Variants in COL24A1 observed in about 807,000 individuals in gnomAD.
COL24A1 encodes the protein collagen alpha-1(XXIV) chain.
A neutral mutation model predicts 253.9 loss-of-function variants in COL24A1; 224 were observed. The observed-to-expected ratio is 0.88, with a 90% CI of 0.79 to 0.99. The LOEUF is 0.99. Ranked by LOEUF, COL24A1 falls within the 50% of genes least tolerant of loss-of-function variation. The pLI is 0.00. For missense variants in COL24A1, 2,131 were observed against 2,068.5 expected (o/e 1.03, Z -0.59); for synonymous variants, 685 against 673.7 (o/e 1.02, Z -0.26).
At chr1:86,130,055 A>G (rs1648925827) in intron 2 of COL24A1, among the ~76,000 whole-genome samples, 1 of 151,882 alleles carries the variant, frequency 6.6e-6, no homozygotes, top group Non-Finnish European at 1.5e-5. Flanking sequence ...TGCATAGATA[A>G]TCATGCAGTT....
At chr1:85,767,917 C>G (rs1667543616) in intron 53 of COL24A1, among the ~76,000 whole-genome samples, 1 of 152,166 alleles carries the variant, frequency 6.6e-6, no homozygotes, top group African/African-American at 2.4e-5. Context: ...ACACTGATAA[C>G]CTGTGTACCA....
intron 7 of COL24A1, among the ~76,000 whole-genome samples, chr1:86,084,067 C>T (rs927938901): frequency 6.6e-6 from 1 of 152,060 alleles, no homozygotes; most frequent in African/African-American, 2.4e-5. Flanking sequence ...GTCACCAATG[C>T]ATTGAGGAAT....
At chr1:86,110,778 G>A (rs1342572757) in intron 5 of COL24A1, among the ~76,000 whole-genome samples, 2 of 152,142 alleles carry the variant, frequency 1.3e-5, no homozygotes, top group Non-Finnish European at 1.5e-5. Context: ...CCGCCTGCCC[G>A]CAGGGCAGGG....
intron 24 of COL24A1, among the ~76,000 whole-genome samples, chr1:85,921,719 C>A (rs986501828): frequency 1.3e-5 from 2 of 152,114 alleles, no homozygotes; most frequent in African/African-American, 4.8e-5. Context: ...GGGGAGAAAC[C>A]AGAGCAGAAA....
chr1:85,737,829 G>A (rs1212359829), intron 57 of COL24A1, among the ~76,000 whole-genome samples: 2 of 139,650 alleles, frequency 1.4e-5, no homozygotes, highest in Non-Finnish European at 3.2e-5. Context: ...CTCCCAAAGT[G>A]TTGGGATTAC....
chr1:85,905,371 A>C (rs1340941848), intron 28 of COL24A1, among the ~76,000 whole-genome samples: 1 of 152,096 alleles, frequency 6.6e-6, no homozygotes, highest in Non-Finnish European at 1.5e-5. Flanking sequence ...TGGATTGAAG[A>C]GAGAAGAGAG....
At chr1:86,089,012 A>G (rs1703282380) in intron 7 of COL24A1, among the ~76,000 whole-genome samples, 162 bp downstream of exon 7, 2 of 152,150 alleles carry the variant, frequency 1.3e-5, no homozygotes, top group Admixed American at 1.3e-4. Context: ...GGAATTTTAA[A>G]ACATTAGTTT....
intron 18 of COL24A1, among the ~76,000 whole-genome samples, chr1:86,020,661 T>C (rs1475529595): frequency 1.3e-5 from 2 of 152,212 alleles, no homozygotes; most frequent in Non-Finnish European, 2.9e-5. Context: ...CCTTAGAGCA[T>C]GTATTGTATC....
At chr1:86,132,416 T>C (rs1649400851) in intron 2 of COL24A1, among the ~76,000 whole-genome samples, 1 of 152,094 alleles carries the variant, frequency 6.6e-6, no homozygotes, top group Admixed American at 6.6e-5. Context: ...TTGCTTTTGG[T>C]GTTTTAGACA....
intron 20 of COL24A1, 94 bp from the exon 21 acceptor site, chr1:85,971,487 G>A (rs746364454): frequency 6.0e-5 from 62 of 1,041,820 alleles, no homozygotes; most frequent in Non-Finnish European, 8.8e-5. Flanking sequence ...AATACTCTTT[G>A]AAACCATTCA....
chr1:85,832,818 G>T (rs1483001687), intron 43 of COL24A1, among the ~76,000 whole-genome samples: 1 of 150,436 alleles, frequency 6.6e-6, no homozygotes, highest in Non-Finnish European at 1.5e-5. Flanking sequence ...AGCTTAAGGA[G>T]ATTTTGGGCC....
intron 47 of COL24A1, among the ~76,000 whole-genome samples, chr1:85,800,682 T>C (rs911901622): frequency 6.6e-5 from 10 of 152,150 alleles, no homozygotes; most frequent in Non-Finnish European, 1.5e-4. Context: ...GCAACCGTCA[T>C]CCCTGGAAAC....
At chr1:85,874,585 A>C in intron 35 of COL24A1, 64 bp downstream of exon 35, 1 of 1,432,182 alleles carries the variant, frequency 7.0e-7, no homozygotes, top group African/African-American at 1.4e-5. Context: ...GTTTCGAATA[A>C]TAAGTTTTGA....
chr1:86,008,662 A>G (rs1696200605), intron 19 of COL24A1, among the ~76,000 whole-genome samples: 1 of 152,214 alleles, frequency 6.6e-6, no homozygotes, highest in African/African-American at 2.4e-5. Context: ...CATGAGAATT[A>G]ACTTAAAGGT....
At chr1:85,845,744 G>T (rs1371419257) in intron 39 of COL24A1, among the ~76,000 whole-genome samples, 1 of 151,318 alleles carries the variant, frequency 6.6e-6, no homozygotes, top group African/African-American at 2.4e-5. Context: ...AAACTCAAAA[G>T]CAAAGCAAAA....
At chr1:85,916,517 T>G (rs1443984456) in intron 24 of COL24A1, among the ~76,000 whole-genome samples, 1 of 152,068 alleles carries the variant, frequency 6.6e-6, no homozygotes, top group African/African-American at 2.4e-5. Context: ...ATAAATAATC[T>G]ATACATAATA....
At chr1:85,833,219 A>G (rs1184176335) in intron 43 of COL24A1, among the ~76,000 whole-genome samples, 1 of 152,230 alleles carries the variant, frequency 6.6e-6, no homozygotes, top group African/African-American at 2.4e-5. Flanking sequence ...CAACCTACTC[A>G]TCTGACAAAG....
chr1:86,013,193 ATAT>A (rs1281128023), intron 19 of COL24A1, among the ~76,000 whole-genome samples: 6 of 152,174 alleles, frequency 3.9e-5, no homozygotes, highest in Non-Finnish European at 1.5e-5. Context: ...TAATTTTCAG[ATAT>A]TAACTTAAAC....
At chr1:85,907,395 G>T in intron 27 of COL24A1, 148 bp from the exon 28 acceptor site, 1 of 617,202 alleles carries the variant, frequency 1.6e-6, no homozygotes, top group African/African-American at 1.8e-5. Flanking sequence ...TAATCACACT[G>T]CCCTCTACCA....
Sources: gnomAD v4.1 joint callset for allele counts (sites outside exome capture counted in the v4.1 genomes callset) on GRCh38, gnomAD v4.1.1 for gene constraint, MANE v1.5 for transcripts, NCBI Gene and HGNC (gene_info 2026-07-23, HGNC 2026-07-21) for gene names.